RYR3: variants seen among roughly 807,000 people sequenced by gnomAD.
RYR3 encodes brain ryanodine receptor-calcium release channel.
In RYR3, 207 loss-of-function variants were observed where a neutral mutation model predicts 584.3. The observed-to-expected ratio is 0.35, with a 90% CI of 0.32 to 0.40. RYR3 has a LOEUF of 0.40. Ranked by LOEUF, RYR3 falls within the 10% of genes least tolerant of loss-of-function variation. RYR3 has a pLI of 1.00. For missense variants in RYR3, 5,616 were observed against 6,089.2 expected, an observed-to-expected ratio of 0.92 and a Z score of 2.59; for synonymous variants, 2,416 against 2,248.5, an observed-to-expected ratio of 1.07 and a Z score of -2.11.
chr15:33,346,565 G>C (rs1470261940), intron 1 of RYR3, among the ~76,000 whole-genome samples: 1 of 152,172 alleles, frequency 6.6e-6, no homozygotes, highest in African/African-American at 2.4e-5. Context: ...TTCAAATATT[G>C]ATATCCAAAT....
intron 19 of RYR3, among the ~76,000 whole-genome samples, chr15:33,617,823 G>A (rs2060528165): frequency 6.6e-6 from 1 of 152,210 alleles, no homozygotes; most frequent in African/African-American, 2.4e-5. Flanking sequence ...CCACAGTGAA[G>A]TCAAAGTTAG....
Position 33,376,646 on chromosome 15 carries a change from G to A in RYR3, c.51+65550G>A, listed in dbSNP as rs556475184. Among the ~76,000 whole-genome samples, 3 of 152,228 alleles carry A rather than the reference G, an allele frequency of 2.0e-5. No homozygotes were observed. The East Asian group carries it at 5.8e-4, about 29-fold the overall frequency. ...CCAACACTTGCAGCGGCGGGAATGG[G>A]GTCTTGGTCTGAAGTGGGGAACCCG... On this transcript the variant is annotated intron_variant, in intron 1 of 103. Coordinates refer to ENST00000634891, the MANE Select transcript of RYR3 (RefSeq NM_001036.6).
chr15:33,536,295 A>G (rs1012360879), intron 5 of RYR3, among the ~76,000 whole-genome samples: 1 of 152,202 alleles, frequency 6.6e-6, no homozygotes, highest in African/African-American at 2.4e-5. Flanking sequence ...TCCCCAACAC[A>G]TTGAATTGTA....
intron 12 of RYR3, among the ~76,000 whole-genome samples, chr15:33,575,683 C>T (rs1392984944): frequency 1.3e-5 from 2 of 151,932 alleles, no homozygotes; most frequent in Non-Finnish European, 2.9e-5. Context: ...AAATTGACAT[C>T]CTAACATCAC....
At chr15:33,775,778 A>C (rs570917224) in intron 64 of RYR3, among the ~76,000 whole-genome samples, 1 of 152,284 alleles carries the variant, frequency 6.6e-6, no homozygotes, top group Admixed American at 6.5e-5. Context: ...CCCCACACGC[A>C]TGCTGCCCAC....
At chr15:33,803,077 G>A (rs1290311999) in intron 69 of RYR3, among the ~76,000 whole-genome samples, 1 of 152,220 alleles carries the variant, frequency 6.6e-6, no homozygotes, top group Admixed American at 6.5e-5. Flanking sequence ...GCTAGCTCTA[G>A]TCAGCTGCGA....
chr15:33,827,594 A>G (rs1235142977), intron 85 of RYR3, among the ~76,000 whole-genome samples: 1 of 152,194 alleles, frequency 6.6e-6, no homozygotes, highest in Admixed American at 6.5e-5. Context: ...GAGCTCTAAA[A>G]TAACCTGTGA....
At chr15:33,458,907 C>T (rs1567282420) in intron 1 of RYR3, among the ~76,000 whole-genome samples, 1 of 152,202 alleles carries the variant, frequency 6.6e-6, no homozygotes, top group Admixed American at 6.5e-5. Flanking sequence ...TGATCTTTCC[C>T]ACCACTGTCT....
intron 2 of RYR3, among the ~76,000 whole-genome samples, chr15:33,496,092 A>G (rs186374174): frequency 2.5e-4 from 38 of 152,290 alleles, no homozygotes; most frequent in African/African-American, 8.9e-4. Flanking sequence ...GACCTGGGAC[A>G]TTTTCTAGAG....
chr15:33,548,988 C>T (rs1015357249), intron 9 of RYR3, among the ~76,000 whole-genome samples: 3 of 152,120 alleles, frequency 2.0e-5, no homozygotes, highest in Admixed American at 2.0e-4. Context: ...TATATGCCCC[C>T]CAAGGGCTCC....
chr15:33,833,897 T>C (rs572638468), intron 86 of RYR3, among the ~76,000 whole-genome samples: 61 of 152,302 alleles, frequency 4.0e-4, no homozygotes, highest in African/African-American at 1.4e-3. Flanking sequence ...AACTTTCTTA[T>C]TGAGTAATTT....
chr15:33,807,600 T>C, intron 70 of RYR3, 31 bp downstream of exon 70: 1 of 1,549,330 alleles, frequency 6.5e-7, no homozygotes, highest in Non-Finnish European at 8.7e-7. Context: ...GTGTCTTTTC[T>C]GTCCTAGTAT....
chr15:33,622,526 G>A (rs1399682720), intron 19 of RYR3, among the ~76,000 whole-genome samples: 4 of 152,056 alleles, frequency 2.6e-5, no homozygotes, highest in South Asian at 2.1e-4. Context: ...AGTAATTAAC[G>A]CCTATTTGTC....
chr15:33,361,411 T>C (rs528146674), intron 1 of RYR3, among the ~76,000 whole-genome samples: 1 of 152,262 alleles, frequency 6.6e-6, no homozygotes, highest in Admixed American at 6.5e-5. Flanking sequence ...GCATGGGCCG[T>C]CTCCATTTTA....
chr15:33,778,719 T>C (rs549439478), intron 64 of RYR3, among the ~76,000 whole-genome samples: 1 of 152,200 alleles, frequency 6.6e-6, no homozygotes, highest in Non-Finnish European at 1.5e-5. Flanking sequence ...ACAATAGGAC[T>C]GGTTTGTCCA....
rs541662864 is a variant in RYR3, at chr15:33,390,337, G to A, written c.51+79241G>A. ...TGGGCCTCAGTACCAGTATACCTGG[G>A]GGTCTCTAAATTTCACCTGACCTAT... On this transcript the variant is annotated intron_variant, in intron 1 of 103. Transcript: ENST00000634891. This position sits in a 1 kb window ranked among gnomAD's most constrained non-coding sequence, Gnocchi z 4.2. 3.9e-5 allele frequency among the ~76,000 whole-genome samples: 6 copies of A among 152,244 alleles called. No homozygotes were observed. The South Asian group carries it at 1.0e-3, about 26-fold the overall frequency.
intron 1 of RYR3, among the ~76,000 whole-genome samples, chr15:33,362,236 C>T (rs901499082): frequency 2.0e-5 from 3 of 152,124 alleles, no homozygotes; most frequent in African/African-American, 7.2e-5. Flanking sequence ...GGTATTTTTG[C>T]CTTCTATTGT....
intron 16 of RYR3, among the ~76,000 whole-genome samples, chr15:33,592,153 G>T (rs938446070): frequency 6.6e-6 from 1 of 152,166 alleles, no homozygotes; most frequent in Admixed American, 6.5e-5. Flanking sequence ...ACACAACCCC[G>T]TATTGTCAGT....
Position 33,726,371 on chromosome 15 carries a change from A to T in RYR3, c.6913-15A>T, listed in dbSNP as rs773927713. ...ACCTCACTTATCTAATGTCATTCTC[A>T]ACCCTATCTTCCAGCTCATCCAGAC... On this transcript the variant is annotated splice_polypyrimidine_tract_variant and intron_variant, in intron 45 of 103. Coordinates refer to ENST00000634891, the MANE Select transcript of RYR3 (RefSeq NM_001036.6). 1 of 1,612,806 alleles carries T rather than the reference A, an allele frequency of 6.2e-7. No individual in the cohort carries two copies. Among genetic ancestry groups the T allele is most frequent in the East Asian group, 2.2e-5 (1 of 44,846 alleles).
Sources: allele counts gnomAD v4.1 joint callset (sites outside exome capture counted in the v4.1 genomes callset), GRCh38; gene constraint gnomAD v4.1.1; non-coding constraint Gnocchi (gnomAD v3.1); transcripts MANE v1.5; gene names NCBI Gene and HGNC (gene_info 2026-07-23, HGNC 2026-07-21).